PHACTR3: variants seen among roughly 807,000 people sequenced by gnomAD.
PHACTR3 encodes protein phosphatase 1, regulatory subunit 123.
Under a neutral mutation model 66.8 loss-of-function variants are expected in PHACTR3, and 16 were observed. The observed-to-expected ratio is 0.24, with a 90% confidence interval of 0.16 to 0.36. PHACTR3 has a LOEUF of 0.36. PHACTR3 is among the 10% of genes least tolerant of loss of function. The pLI, the probability that PHACTR3 is intolerant of heterozygous loss-of-function variation, is 1.00. For missense variants in PHACTR3, 647 were observed against 719.9 expected, an observed-to-expected ratio of 0.90 and a Z score of 1.16; for synonymous variants, 323 against 292.1, an observed-to-expected ratio of 1.11 and a Z score of -1.08.
intron 1 of PHACTR3, among the ~76,000 whole-genome samples, chr20:59,581,754 G>A (rs956109961): frequency 6.6e-6 from 1 of 152,168 alleles, no homozygotes; most frequent in Admixed American, 6.5e-5. Flanking sequence ...GGTGGCAGGT[G>A]CCTGTAGTCC....
At chr20:59,689,511 C>T (rs574143867) in intron 1 of PHACTR3, among the ~76,000 whole-genome samples, 5 of 152,258 alleles carry the variant, frequency 3.3e-5, no homozygotes, top group South Asian at 2.1e-4. Context: ...CCAAGCTGAC[C>T]GGGTTACAGG....
chr20:59,811,993 C>A (rs2041749572), intron 8 of PHACTR3, among the ~76,000 whole-genome samples: 1 of 150,328 alleles, frequency 6.7e-6, no homozygotes. Context: ...ACAGTCAAGG[C>A]TGGATGCACT....
intron 7 of PHACTR3, among the ~76,000 whole-genome samples, chr20:59,780,431 T>C (rs1006620288): frequency 6.6e-6 from 1 of 152,174 alleles, no homozygotes; most frequent in Admixed American, 6.5e-5. Context: ...ACGTGGGGTT[T>C]GGCAAGGCCC....
chr20:59,635,194 C>CTTTCTTTCTT (rs33980731), intron 1 of PHACTR3, among the ~76,000 whole-genome samples: 12 of 54,960 alleles, frequency 2.2e-4, no homozygotes, highest in South Asian at 7.0e-4. Flanking sequence ...TTCTTTCTTT[C>CTTTCTTTCTT]TCTTTCTTTC....
At chr20:59,661,365 G>A (rs79964386) in intron 1 of PHACTR3, among the ~76,000 whole-genome samples, 2 of 152,234 alleles carry the variant, frequency 1.3e-5, no homozygotes, top group African/African-American at 2.4e-5. Context: ...GGTGGGGAAG[G>A]GGGGAGCATG....
chr20:59,795,414 A>C (rs2041224603), intron 7 of PHACTR3, among the ~76,000 whole-genome samples: 1 of 152,010 alleles, frequency 6.6e-6, no homozygotes, highest in African/African-American at 2.4e-5. Flanking sequence ...TATATTATCT[A>C]GGAGAATGTT....
At chr20:59,610,202 C>G (rs1234405552) in intron 1 of PHACTR3, among the ~76,000 whole-genome samples, 2 of 152,240 alleles carry the variant, frequency 1.3e-5, no homozygotes, top group Non-Finnish European at 2.9e-5. Context: ...TTGCATGGAG[C>G]TGACATCATG....
At chr20:59,582,709 C>T (rs189504943) in intron 1 of PHACTR3, among the ~76,000 whole-genome samples, 77 of 152,314 alleles carry the variant, frequency 5.1e-4, no homozygotes, top group Admixed American at 5.2e-4. Context: ...TTGGATTTCA[C>T]TCTCTGAGCG....
intron 8 of PHACTR3, among the ~76,000 whole-genome samples, chr20:59,815,782 C>A (rs2041870777): frequency 6.6e-6 from 1 of 152,108 alleles, no homozygotes; most frequent in Admixed American, 6.5e-5. Flanking sequence ...GGCTTGTGAT[C>A]ATTTATCTTT....
chr20:59,583,865 T>C (rs567131965), intron 1 of PHACTR3, among the ~76,000 whole-genome samples: 1 of 152,326 alleles, frequency 6.6e-6, no homozygotes, highest in African/African-American at 2.4e-5. Context: ...ATGTCGATTT[T>C]GCGTGATTAC....
chr20:59,737,716 C>A (rs371006150), intron 1 of PHACTR3, among the ~76,000 whole-genome samples: 8 of 152,174 alleles, frequency 5.3e-5, no homozygotes, highest in African/African-American at 1.9e-4. Flanking sequence ...TCATCTCCTG[C>A]AGGTGAGTAC....
chr20:59,648,789 G>A (rs2035367438), intron 1 of PHACTR3, among the ~76,000 whole-genome samples: 1 of 152,196 alleles, frequency 6.6e-6, no homozygotes, highest in African/African-American at 2.4e-5. Context: ...GTGATTTGAT[G>A]TGAGGTGGAG....
rs2039046357 is a variant in PHACTR3 at position 59,738,870 on chromosome 20, T to C, written c.119-4237T>C. Among the ~76,000 whole-genome samples the C allele has an allele frequency of 6.6e-6, 1 of 152,138 alleles. No individual in the cohort carries two copies. Among genetic ancestry groups the C allele is most frequent in the Non-Finnish European group, 1.5e-5 (1 of 68,012 alleles). Reference sequence around the variant, plus strand: ...TCTTCGTCTTCATCTTCAGCTGAGCTTGGAGGCTTGGGGAGACCTAGCCCA... The same window carrying C: ...TCTTCGTCTTCATCTTCAGCTGAGCCTGGAGGCTTGGGGAGACCTAGCCCA... On this transcript the variant is annotated intron_variant, in intron 1 of 12. Coordinates refer to ENST00000371015, the MANE Select transcript of PHACTR3 (RefSeq NM_080672.5). The surrounding 1 kb of genome is among the most constrained non-coding windows in gnomAD (Gnocchi z 4.4).
chr20:59,767,381 CA>C lies in PHACTR3; in HGVS notation c.743del (p.Asn248MetfsTer14). The C allele has an allele frequency of 6.2e-7, 1 of 1,613,690 alleles. No homozygotes were observed. The highest frequency in any genetic ancestry group is 8.5e-7 in the Non-Finnish European group (1 of 1,179,994). On this transcript the variant is annotated frameshift_variant, in exon 5 of 13. Transcript: ENST00000371015. LOFTEE classifies it high-confidence loss of function. ...TPPPKASSKT[T>X]KNVTGQATLF... ...CCACCCAAGGCAAGCTCCAAAACCACAAAAAATGTCACAGGTGGGTCCACAT... is the reference window on the plus strand; with the variant it reads ...CCACCCAAGGCAAGCTCCAAAACCACAAAAATGTCACAGGTGGGTCCACAT...
chr20:59,609,173 C>T (rs536461204), intron 1 of PHACTR3, among the ~76,000 whole-genome samples: 260 of 152,314 alleles, frequency 1.7e-3, no homozygotes, highest in Non-Finnish European at 3.0e-3. Context: ...TGCTTTACTG[C>T]CTGGAGAGGG....
chr20:59,753,400 C>T (rs906627868), intron 3 of PHACTR3, among the ~76,000 whole-genome samples: 2 of 152,176 alleles, frequency 1.3e-5, no homozygotes, highest in Non-Finnish European at 2.9e-5. Flanking sequence ...CGATGACAAG[C>T]TCAAATCTCT....
chr20:59,742,935 G>A lies in PHACTR3; in HGVS notation c.119-172G>A, dbSNP rs543509441. ...TCTCACAGAGGGAAATTCAGCGCAC[G>A]CTGCTGAGCTGCTGCGGCCACTGTG... On this transcript the variant is annotated intron_variant, in intron 1 of 12. Transcript: ENST00000371015. Among the ~76,000 whole-genome samples the A allele has an allele frequency of 8.5e-5, 13 of 152,322 alleles. No individual in the cohort carries two copies. The South Asian group carries it at 1.4e-3, about 17-fold the overall frequency.
chr20:59,786,302 AG>A (rs2040912224), intron 7 of PHACTR3, among the ~76,000 whole-genome samples: 1 of 152,182 alleles, frequency 6.6e-6, no homozygotes, highest in Admixed American at 6.5e-5. Context: ...CACCTGCTGG[AG>A]GTTCAATTTC....
intron 8 of PHACTR3, among the ~76,000 whole-genome samples, chr20:59,828,496 G>C (rs1248738924): frequency 1.3e-5 from 2 of 152,212 alleles, no homozygotes; most frequent in Non-Finnish European, 2.9e-5. Context: ...ATTGCAGATA[G>C]GGTGTTATGT....
Sources: gnomAD v4.1 joint callset for allele counts (sites outside exome capture counted in the v4.1 genomes callset) on GRCh38, gnomAD v4.1.1 for gene constraint, Gnocchi (gnomAD v3.1) non-coding constraint, MANE v1.5 for transcripts, NCBI Gene and HGNC (gene_info 2026-07-23, HGNC 2026-07-21) for gene names.